The following CTNNA3 variants were observed in gnomAD, a reference collection of about 807,000 sequenced individuals.
The protein encoded by CTNNA3 is catenin alpha-3.
In CTNNA3, 76 loss-of-function variants were observed where a neutral mutation model predicts 95.7. The ratio of observed to expected loss-of-function variants is 0.79; its 90% CI spans 0.66 to 0.96. The LOEUF (loss-of-function observed/expected upper bound fraction) is 0.96. CTNNA3 is among the 40% of genes least tolerant of loss of function. The probability of loss-of-function intolerance (pLI) is 0.00; values close to 1 mark genes in which losing one functional copy is unlikely to be tolerated. For synonymous variants in CTNNA3, 431 were observed against 374.4 expected (o/e 1.15, Z -1.74); for missense variants, 1,191 against 1,089.8 (o/e 1.09, Z -1.31).
chr10:66,565,756 G>C (rs1351691647), intron 10 of CTNNA3, among the ~76,000 whole-genome samples: 2 of 152,094 alleles, frequency 1.3e-5, no homozygotes, highest in Non-Finnish European at 2.9e-5. Flanking sequence ...GGCTTTCCGA[G>C]CTCTGAGCTC....
At chr10:66,544,667 G>T (rs1841983186) in intron 10 of CTNNA3, among the ~76,000 whole-genome samples, 1 of 152,076 alleles carries the variant, frequency 6.6e-6, no homozygotes. Context: ...CAGGAAAAAT[G>T]AAGTCAGCAC....
intron 10 of CTNNA3, among the ~76,000 whole-genome samples, chr10:66,541,931 TACC>T (rs1316662477): frequency 6.6e-6 from 1 of 152,070 alleles, no homozygotes; most frequent in Non-Finnish European, 1.5e-5. Context: ...CAAAAGAAAC[TACC>T]ATCAGAGTGA....
chr10:66,313,407 T>C (rs1015911858), intron 12 of CTNNA3, among the ~76,000 whole-genome samples: 3 of 152,218 alleles, frequency 2.0e-5, no homozygotes, highest in African/African-American at 4.8e-5. Flanking sequence ...ATCTTCCTTT[T>C]ATTCAAGTAG....
At chr10:66,394,930 T>C (rs1029114118) in intron 11 of CTNNA3, among the ~76,000 whole-genome samples, 8 of 151,996 alleles carry the variant, frequency 5.3e-5, no homozygotes, top group African/African-American at 1.7e-4. Context: ...TAAATGCAAA[T>C]GCACAGATAG....
chr10:66,157,803 C>T (rs117043931), intron 13 of CTNNA3, among the ~76,000 whole-genome samples: 22,977 of 151,868 alleles, frequency 0.15, 2,154 homozygotes, highest in Middle Eastern at 0.23. Context: ...AGAAGTGTTC[C>T]CTGATTATCT....
chr10:66,851,563 T>C (rs920471803), intron 7 of CTNNA3, among the ~76,000 whole-genome samples: 10 of 151,338 alleles, frequency 6.6e-5, no homozygotes, highest in African/African-American at 9.7e-5. Flanking sequence ...CTACTCATGA[T>C]AGTGAGTTCT....
At chr10:66,484,527 A>T (rs1032561307) in intron 11 of CTNNA3, among the ~76,000 whole-genome samples, 3 of 152,080 alleles carry the variant, frequency 2.0e-5, no homozygotes, top group Admixed American at 6.6e-5. Flanking sequence ...AAGCAATATG[A>T]TAATGTGAAA....
At chr10:66,747,468 C>G (rs1838932560) in intron 9 of CTNNA3, among the ~76,000 whole-genome samples, 1 of 152,186 alleles carries the variant, frequency 6.6e-6, no homozygotes, top group Non-Finnish European at 1.5e-5. Context: ...TGCATCACTA[C>G]AATCCTGTTT....
At chr10:66,182,493 G>T (rs1350467633) in intron 13 of CTNNA3, among the ~76,000 whole-genome samples, 1 of 152,042 alleles carries the variant, frequency 6.6e-6, no homozygotes, top group Non-Finnish European at 1.5e-5. Flanking sequence ...CTGATCTCGT[G>T]ATCCGCCCGC....
At chr10:67,642,128 A>G (rs1262464869) in intron 2 of CTNNA3, among the ~76,000 whole-genome samples, 1 of 152,212 alleles carries the variant, frequency 6.6e-6, no homozygotes, top group Non-Finnish European at 1.5e-5. Flanking sequence ...AGGCAAAGGC[A>G]AAGATTTCAT....
At chr10:66,179,719 T>C (rs2085937390) in intron 13 of CTNNA3, among the ~76,000 whole-genome samples, 1 of 152,076 alleles carries the variant, frequency 6.6e-6, no homozygotes, top group Non-Finnish European at 1.5e-5. Context: ...TAAGTTTTTC[T>C]ACGGGAAACT....
In CTNNA3 at chr10:66,333,828, G is replaced by T. The variant is rs575617690; in HGVS notation, c.1732+45324C>A. Among the ~76,000 whole-genome samples, 193 of 151,598 alleles carry T rather than the reference G, an allele frequency of 1.3e-3. 2 individuals are homozygous for T. Among genetic ancestry groups the T allele is most frequent in the Admixed American group, 0.013 (192 of 15,204 alleles). On this transcript the variant is annotated intron_variant, in intron 12 of 17. Coordinates refer to ENST00000433211, the MANE Select transcript of CTNNA3 (RefSeq NM_013266.4). Reference sequence around the variant, plus strand: ...TGATCTGTCTAATGTTGACAGTGGGGTGTTAAAGTCTCCCATTATTATTGT... The same window carrying T: ...TGATCTGTCTAATGTTGACAGTGGGTTGTTAAAGTCTCCCATTATTATTGT...
At chr10:66,094,127 C>G (rs1420913699) in intron 14 of CTNNA3, among the ~76,000 whole-genome samples, 1 of 152,044 alleles carries the variant, frequency 6.6e-6, no homozygotes, top group Non-Finnish European at 1.5e-5. Flanking sequence ...CTGGGCTAAT[C>G]TGGAATCCTA....
chr10:67,176,711 C>G (rs1862258189), intron 7 of CTNNA3, among the ~76,000 whole-genome samples: 1 of 152,102 alleles, frequency 6.6e-6, no homozygotes, highest in Admixed American at 6.6e-5. Context: ...TGGGTGGCTC[C>G]CACTAATCAC....
At chr10:66,642,371 C>A (rs764234184) in intron 9 of CTNNA3, among the ~76,000 whole-genome samples, 2 of 151,336 alleles carry the variant, frequency 1.3e-5, no homozygotes, top group Non-Finnish European at 2.9e-5. Flanking sequence ...TTAAACAGTA[C>A]TTGAATATAT....
chr10:66,136,500 T>A (rs1019684179), intron 13 of CTNNA3, among the ~76,000 whole-genome samples: 1 of 152,006 alleles, frequency 6.6e-6, no homozygotes, highest in East Asian at 1.9e-4. Flanking sequence ...TTCTTCACTT[T>A]TTTTTTTTGG....
intron 12 of CTNNA3, among the ~76,000 whole-genome samples, chr10:66,365,615 G>A (rs1444264208): frequency 6.6e-6 from 1 of 152,142 alleles, no homozygotes; most frequent in Non-Finnish European, 1.5e-5. Context: ...AGAAGTTGTA[G>A]TAGGCAGCCT....
At chr10:66,795,764 C>T (rs567206479) in intron 7 of CTNNA3, among the ~76,000 whole-genome samples, 4 of 152,282 alleles carry the variant, frequency 2.6e-5, no homozygotes, top group South Asian at 4.1e-4. Context: ...ACTTCATCAA[C>T]GATCTTAGCT....
intron 13 of CTNNA3, among the ~76,000 whole-genome samples, chr10:66,262,768 A>G (rs1233981183): frequency 6.6e-6 from 1 of 152,034 alleles, no homozygotes; most frequent in East Asian, 1.9e-4. Flanking sequence ...AATTTGGTAT[A>G]ACAAGAGTGT....
Sources: allele counts gnomAD v4.1 joint callset (sites outside exome capture counted in the v4.1 genomes callset), GRCh38; gene constraint gnomAD v4.1.1; transcripts MANE v1.5; gene names NCBI Gene and HGNC (gene_info 2026-07-23, HGNC 2026-07-21).